OPCML: variants seen among roughly 807,000 people sequenced by gnomAD.
The protein encoded by OPCML is opioid-binding protein/cell adhesion molecule.
A neutral mutation model predicts 37.8 loss-of-function variants in OPCML; 13 were observed. The observed-to-expected ratio is 0.34, with a 90% CI of 0.22 to 0.55. The LOEUF is 0.55. Ranked by LOEUF, OPCML falls within the 20% of genes least tolerant of loss-of-function variation. The pLI, the probability that OPCML is intolerant of heterozygous loss-of-function variation, is 0.91. For synonymous variants in OPCML, 176 were observed against 168.8 expected (o/e 1.04, Z -0.33); for missense variants, 341 against 435.6 (o/e 0.78, Z 1.93).
chr11:133,440,826 A>C (rs998312232), intron 1 of OPCML, among the ~76,000 whole-genome samples: 1 of 146,414 alleles, frequency 6.8e-6, no homozygotes, highest in Non-Finnish European at 1.5e-5. Flanking sequence ...ATATATATAT[A>C]TATAAATCAT....
chr11:133,523,992 T>C (rs1402575713), intron 1 of OPCML, among the ~76,000 whole-genome samples: 1 of 152,236 alleles, frequency 6.6e-6, no homozygotes, highest in Non-Finnish European at 1.5e-5. Flanking sequence ...ATTTCACAAC[T>C]GTCTGGGTGT....
intron 1 of OPCML, among the ~76,000 whole-genome samples, chr11:133,437,086 A>C (rs1370083654): frequency 6.6e-6 from 1 of 152,192 alleles, no homozygotes; most frequent in East Asian, 1.9e-4. Flanking sequence ...TTAAGTTTTT[A>C]GCACATCTAT....
intron 1 of OPCML, among the ~76,000 whole-genome samples, chr11:133,483,656 A>G (rs545301288): frequency 1.1e-4 from 16 of 143,488 alleles, no homozygotes; most frequent in Non-Finnish European, 1.5e-4. Flanking sequence ...AGGTAGATAG[A>G]CAGATTAGAT....
chr11:133,469,244 G>A (rs2137002278), intron 1 of OPCML, among the ~76,000 whole-genome samples: 1 of 152,322 alleles, frequency 6.6e-6, no homozygotes, highest in Admixed American at 6.5e-5. Context: ...TATGATAGTG[G>A]TCTCATAATA....
chr11:132,892,537 G>A (rs189829182), intron 2 of OPCML, among the ~76,000 whole-genome samples: 40 of 152,300 alleles, frequency 2.6e-4, no homozygotes, highest in Admixed American at 2.3e-3. Flanking sequence ...GGGAGGCCGA[G>A]GCGGGTGGAT....
chr11:133,039,223 G>A (rs1947839028), intron 1 of OPCML, among the ~76,000 whole-genome samples: 1 of 152,186 alleles, frequency 6.6e-6, no homozygotes, highest in African/African-American at 2.4e-5. Flanking sequence ...CTATGCCCCT[G>A]AAAAGGTAAG....
chr11:132,710,905 G>A (rs894961105), intron 2 of OPCML, among the ~76,000 whole-genome samples: 1 of 152,006 alleles, frequency 6.6e-6, no homozygotes, highest in African/African-American at 2.4e-5. Context: ...ATCAAGAAAG[G>A]AGAGATGAGA....
intron 1 of OPCML, among the ~76,000 whole-genome samples, chr11:133,484,202 C>T (rs1050794818): frequency 2.6e-5 from 4 of 151,590 alleles, no homozygotes; most frequent in Non-Finnish European, 5.9e-5. Flanking sequence ...ATGTAAGAGC[C>T]TAAAAAGCAC....
intron 4 of OPCML, among the ~76,000 whole-genome samples, chr11:132,480,677 A>G (rs1479786306): frequency 1.3e-5 from 2 of 152,216 alleles, no homozygotes; most frequent in Admixed American, 6.5e-5. Flanking sequence ...TCTCTTGGCA[A>G]TAACTCTACA....
At chr11:133,432,190 C>A (rs4567477) in intron 1 of OPCML, among the ~76,000 whole-genome samples, 1 of 151,798 alleles carries the variant, frequency 6.6e-6, no homozygotes, top group African/African-American at 2.4e-5. Context: ...ACCAAACCAC[C>A]GCAACACGCA....
At chr11:132,458,761 T>C (rs2096091074) in intron 4 of OPCML, among the ~76,000 whole-genome samples, 1 of 152,202 alleles carries the variant, frequency 6.6e-6, no homozygotes, top group South Asian at 2.1e-4. Flanking sequence ...GACATTTTGG[T>C]AAATAATGCC....
chr11:132,907,629 C>CA (rs36051091), intron 2 of OPCML, among the ~76,000 whole-genome samples: 31,427 of 122,458 alleles, frequency 0.26, 4,010 homozygotes, highest in Non-Finnish European at 0.35. Context: ...AACTCTGTCT[C>CA]AAAAAAAAAA....
intron 1 of OPCML, among the ~76,000 whole-genome samples, chr11:133,042,471 G>A (rs1043457875): frequency 5.3e-5 from 8 of 152,194 alleles, no homozygotes; most frequent in Non-Finnish European, 8.8e-5. Flanking sequence ...GGCAGAGCGG[G>A]ACGCAAACGG....
intron 1 of OPCML, among the ~76,000 whole-genome samples, chr11:133,218,599 C>T (rs1487945218): frequency 1.3e-5 from 2 of 152,112 alleles, no homozygotes; most frequent in Non-Finnish European, 2.9e-5. Context: ...ATCCAGGGTC[C>T]ACGGCGAAGA....
intron 2 of OPCML, among the ~76,000 whole-genome samples, chr11:132,793,269 AG>A (rs1348659275): frequency 6.6e-6 from 1 of 152,146 alleles, no homozygotes; most frequent in Non-Finnish European, 1.5e-5. Flanking sequence ...CTTAAATCTG[AG>A]GGGAGTAGGG....
chr11:133,165,439 C>G (rs140209427), intron 1 of OPCML, among the ~76,000 whole-genome samples: 1 of 152,086 alleles, frequency 6.6e-6, no homozygotes, highest in African/African-American at 2.4e-5. Context: ...CTTGTTTCAA[C>G]GAAGGGTTCC....
intron 1 of OPCML, among the ~76,000 whole-genome samples, chr11:133,238,253 A>G (rs1002325003): frequency 6.6e-6 from 1 of 152,184 alleles, no homozygotes; most frequent in Non-Finnish European, 1.5e-5. Flanking sequence ...GCTGCTGTAT[A>G]CAGAGCCACT....
In OPCML at chr11:132,469,445, ATG is replaced by A. The variant is rs2096128942; in HGVS notation, c.506-32088_506-32087del. On this transcript the variant is annotated intron_variant, in intron 4 of 7. Coordinates refer to ENST00000524381, the MANE Select transcript of OPCML (RefSeq NM_001012393.5). ...TATGTGTGTATGTGTGTGTGAATGTATGTGTGTGTGTGGTGCCTGTGTGCCTG... is the reference window on the plus strand; with the variant it reads ...TATGTGTGTATGTGTGTGTGAATGTATGTGTGTGTGGTGCCTGTGTGCCTG... 3.7e-5 allele frequency among the ~76,000 whole-genome samples: 5 copies of A among 134,112 alleles called. No homozygotes were observed. The South Asian group carries it at 1.0e-3, about 27-fold the overall frequency. The allele number at this position is 134,112 out of a possible 152,430, so 88.0% of individuals were successfully genotyped here.
At chr11:132,687,095 T>C (rs1943191292) in intron 2 of OPCML, among the ~76,000 whole-genome samples, 1 of 151,936 alleles carries the variant, frequency 6.6e-6, no homozygotes, top group African/African-American at 2.4e-5. Context: ...TCTATAAATG[T>C]AGGCACTTGA....
Sources: allele counts gnomAD v4.1 joint callset (sites outside exome capture counted in the v4.1 genomes callset), GRCh38; gene constraint gnomAD v4.1.1; transcripts MANE v1.5; gene names NCBI Gene and HGNC (gene_info 2026-07-23, HGNC 2026-07-21).